AKAP13: variants seen among roughly 807,000 people sequenced by gnomAD.
AKAP13 encodes A-kinase anchor protein 13.
Under a neutral mutation model 264.5 loss-of-function variants are expected in AKAP13, and 80 were observed. The ratio of observed to expected loss-of-function variants is 0.30; its 90% CI spans 0.25 to 0.36. The LOEUF is 0.36. AKAP13 is among the 10% of genes least tolerant of loss of function. AKAP13 has a pLI of 1.00. For missense variants in AKAP13, 3,712 were observed against 3,435.2 expected (o/e 1.08, Z -2.01); for synonymous variants, 1,380 against 1,250.2 (o/e 1.10, Z -2.19).
chr15:85,600,244 T>C (rs1330946708), intron 8 of AKAP13, among the ~76,000 whole-genome samples: 1 of 152,002 alleles, frequency 6.6e-6, no homozygotes, highest in Non-Finnish European at 1.5e-5. Flanking sequence ...TTAATTCTTT[T>C]AGCAGTTGTT....
chr15:85,573,669 T>G (rs975871724), intron 5 of AKAP13, among the ~76,000 whole-genome samples: 2 of 152,174 alleles, frequency 1.3e-5, no homozygotes, highest in Admixed American at 6.5e-5. Context: ...GAAAGCATAA[T>G]CTATTATTGT....
intron 8 of AKAP13, among the ~76,000 whole-genome samples, chr15:85,636,028 AT>A (rs2082057270): frequency 6.6e-6 from 1 of 152,178 alleles, no homozygotes; most frequent in Non-Finnish European, 1.5e-5. Context: ...TAACAACTGT[AT>A]TGAGTCTTCT....
In AKAP13 at chr15:85,740,735, C is replaced by CA. The variant is rs567043363; in HGVS notation, c.7609-310dup. On this transcript the variant is annotated intron_variant, in intron 34 of 36. Coordinates refer to ENST00000394518, the MANE Select transcript of AKAP13 (RefSeq NM_007200.5). The stretch of plus-strand genomic sequence containing the variant: ...TTCTCCCACTTCCAACACACACACA[C>CA]ACAACCCACCCACCCACACAGACAC... Among the ~76,000 whole-genome samples the CA allele has an allele frequency of 3.6e-4, 48 of 131,566 alleles. 2 individuals carry two copies. In the East Asian group the frequency reaches 4.6e-3, roughly 13 times the overall value. 86.3% of individuals were successfully genotyped at this position (131,566 alleles called of 152,430 possible).
intron 14 of AKAP13, among the ~76,000 whole-genome samples, chr15:85,680,504 G>A (rs1190112849): frequency 1.3e-5 from 2 of 152,152 alleles, no homozygotes; most frequent in South Asian, 2.1e-4. Flanking sequence ...AAAAAAATAC[G>A]GAAGGCAATC....
chr15:85,742,863 G>T (rs1306878281), intron 35 of AKAP13, among the ~76,000 whole-genome samples: 2 of 152,118 alleles, frequency 1.3e-5, no homozygotes, highest in Non-Finnish European at 2.9e-5. Context: ...GCTTTCTGCA[G>T]ATGTTGCCAA....
chr15:85,558,371 T>C (rs1255935753), intron 5 of AKAP13, among the ~76,000 whole-genome samples: 2 of 152,242 alleles, frequency 1.3e-5, no homozygotes, highest in East Asian at 1.9e-4. Context: ...TTATAACTTA[T>C]GAAAAGTGCC....
At chr15:85,687,084 C>T (rs1231821469) in intron 16 of AKAP13, among the ~76,000 whole-genome samples, 1 of 152,026 alleles carries the variant, frequency 6.6e-6, no homozygotes, top group Non-Finnish European at 1.5e-5. Flanking sequence ...GTAAAACATA[C>T]ACATGATAGG....
intron 1 of AKAP13, among the ~76,000 whole-genome samples, chr15:85,475,532 A>T (rs1011611452): frequency 4.6e-5 from 7 of 152,200 alleles, no homozygotes; most frequent in African/African-American, 1.7e-4. Flanking sequence ...ACCAACCATC[A>T]TGTGGGATCC....
rs761656247 is a variant in AKAP13, at chr15:85,579,819, A to G, written c.1751A>G (p.Gln584Arg). 2.5e-6 allele frequency: 4 copies of G among 1,614,118 alleles called. No homozygotes were observed. The highest frequency in any genetic ancestry group is 3.4e-6 in the Non-Finnish European group (4 of 1,180,052). Residue 584 changes from glutamine to arginine, a missense_variant, in exon 7 of 37, where the codon CAG (glutamine) becomes CGG (arginine). By Grantham distance (43) the Gln-to-Arg change is conservative. Around this residue, in one of 3 missense-constraint regions of AKAP13, gnomAD observed 2,759 missense variants for 2,411.7 expected, o/e 1.14. Transcript: ENST00000394518. ...REESADAPVDQNSVVIPAAAK... is the reference protein window; with the variant it reads ...REESADAPVDRNSVVIPAAAK... ...GAGAGTGCTGATGCTCCAGTAGATCAGAATTCTGTGGTGATTCCAGCTGCT... is the reference window on the plus strand; with the variant it reads ...GAGAGTGCTGATGCTCCAGTAGATCGGAATTCTGTGGTGATTCCAGCTGCT...
chr15:85,629,525 G>A (rs1010855327), intron 8 of AKAP13, among the ~76,000 whole-genome samples: 2 of 151,996 alleles, frequency 1.3e-5, no homozygotes, highest in African/African-American at 2.4e-5. Flanking sequence ...GGGGAGATCC[G>A]TTAAATAGAT....
At chr15:85,392,758 A>G (rs1042090334) in intron 1 of AKAP13, among the ~76,000 whole-genome samples, 6 of 152,146 alleles carry the variant, frequency 3.9e-5, no homozygotes, top group Non-Finnish European at 5.9e-5. Context: ...TTGTTAGCAC[A>G]TACTCTTCCC....
intron 1 of AKAP13, among the ~76,000 whole-genome samples, chr15:85,417,781 C>T (rs538487170): frequency 2.2e-4 from 34 of 152,184 alleles, no homozygotes; most frequent in African/African-American, 7.9e-4. Flanking sequence ...AGAAATGCAG[C>T]TTATGTATTA....
At chr15:85,566,661 C>G (rs1459705944) in intron 5 of AKAP13, among the ~76,000 whole-genome samples, 2 of 141,656 alleles carry the variant, frequency 1.4e-5, no homozygotes, top group African/African-American at 5.3e-5. Flanking sequence ...GAGTCTCGCT[C>G]TGTTGCCCAG....
At chr15:85,655,353 A>G in intron 10 of AKAP13, 64 bp from the exon 11 acceptor site, 2 of 1,555,270 alleles carry the variant, frequency 1.3e-6, no homozygotes, top group Non-Finnish European at 1.7e-6. Context: ...CTTGATCTAG[A>G]ATAACTGAGG....
chr15:85,482,484 C>G (rs1041899130), intron 1 of AKAP13, among the ~76,000 whole-genome samples: 3 of 152,136 alleles, frequency 2.0e-5, no homozygotes, highest in African/African-American at 4.8e-5. Context: ...ATTGTAGGTG[C>G]ACAATGACAG....
intron 1 of AKAP13, among the ~76,000 whole-genome samples, chr15:85,392,558 G>A (rs943807762): frequency 1.3e-5 from 2 of 152,166 alleles, no homozygotes; most frequent in African/African-American, 4.8e-5. Flanking sequence ...ATGGGAATCA[G>A]TTAAGAGTAT....
Position 85,515,752 on chromosome 15 carries a change from T to G in AKAP13, c.34-5676T>G, listed in dbSNP as rs1057405275. Among the ~76,000 whole-genome samples, 16 of 138,360 alleles carry G rather than the reference T, an allele frequency of 1.2e-4. 6 individuals carry two copies. The highest frequency in any genetic ancestry group is 4.6e-4 in the African/African-American group (16 of 34,440). 90.8% of individuals were successfully genotyped at this position (138,360 alleles called of 152,430 possible). A position where few individuals can be genotyped will look rare whatever the true frequency, so the allele number is the denominator to read the frequency against. Reference sequence around the variant, plus strand: ...TCATGACTAGATTGAAGTTATGCATTTTTGTTAGGAACACTGTAAGTGATG... The same window carrying G: ...TCATGACTAGATTGAAGTTATGCATGTTTGTTAGGAACACTGTAAGTGATG... On this transcript the variant is annotated intron_variant, in intron 2 of 36. Coordinates refer to ENST00000394518, the MANE Select transcript of AKAP13 (RefSeq NM_007200.5).
At chr15:85,437,392 CAAG>C (rs2073362132) in intron 1 of AKAP13, among the ~76,000 whole-genome samples, 1 of 152,214 alleles carries the variant, frequency 6.6e-6, no homozygotes, top group African/African-American at 2.4e-5. Context: ...ACCAGAGACA[CAAG>C]GAGGAACTGG....
In AKAP13 at chr15:85,579,706, C is replaced by A. The variant is rs2079117311; in HGVS notation, c.1638C>A (p.Asn546Lys). The A allele has an allele frequency of 2.5e-6, 4 of 1,614,218 alleles. No individual in the cohort carries two copies. The highest frequency in any genetic ancestry group is 2.5e-6 in the Non-Finnish European group (3 of 1,180,038). The change falls in exon 7 of 37, where the codon AAC becomes AAA. Residue 546 changes from asparagine to lysine, a missense_variant. Asn to Lys is a moderately conservative substitution (Grantham distance 94). Coordinates refer to ENST00000394518, the MANE Select transcript of AKAP13 (RefSeq NM_007200.5). Reference protein sequence around the residue: ...CAPAASSLDGNKPAESSLAFS... With the variant: ...CAPAASSLDGKKPAESSLAFS... ...CTGCTGCCAGTTCCCTGGATGGTAACAAACCTGCTGAGTCTTCACTTGCAT... is the reference window on the plus strand; with the variant it reads ...CTGCTGCCAGTTCCCTGGATGGTAAAAAACCTGCTGAGTCTTCACTTGCAT...
Sources: allele counts gnomAD v4.1 joint callset (sites outside exome capture counted in the v4.1 genomes callset), GRCh38; gene constraint gnomAD v4.1.1; regional missense constraint gnomAD v4.1.1; transcripts MANE v1.5; gene names NCBI Gene and HGNC (gene_info 2026-07-23, HGNC 2026-07-21).